Variants in GABRB1 observed in about 807,000 individuals in gnomAD.
GABRB1 encodes the protein gamma-aminobutyric acid type A receptor subunit beta1.
Under a neutral mutation model 51.6 loss-of-function variants are expected in GABRB1, and 17 were observed. That is an observed-to-expected ratio of 0.33 (90% CI 0.23 to 0.49). The LOEUF (loss-of-function observed/expected upper bound fraction) is 0.49, where lower values mean the gene tolerates loss of function less well. Among genes scored for constraint, GABRB1 ranks in the 20% least tolerant of loss-of-function variants. The pLI is 0.99. For synonymous variants in GABRB1, 247 were observed against 218.9 expected (o/e 1.13, Z -1.14); for missense variants, 410 against 600.6 (o/e 0.68, Z 3.32).
intron 5 of GABRB1, among the ~76,000 whole-genome samples, chr4:47,383,380 C>G (rs1489904977): frequency 6.6e-6 from 1 of 152,074 alleles, no homozygotes; most frequent in African/African-American, 2.4e-5. Flanking sequence ...TTTGCATCCA[C>G]AGATGAGAAA....
At chr4:47,279,102 G>A (rs1479630683) in intron 4 of GABRB1, among the ~76,000 whole-genome samples, 1 of 151,782 alleles carries the variant, frequency 6.6e-6, no homozygotes, top group African/African-American at 2.4e-5. Flanking sequence ...ATGGATGGAT[G>A]GATGGATGGA....
rs566071678 is a variant in GABRB1, at chr4:47,011,111, G to A, written c.-20+17185G>A. On this transcript the variant is annotated intron_variant, in intron 1 of 3. Coordinates refer to the GABRB1 transcript ENST00000513567. ...GCATTAGACTAGTTGCAGTTTCAAT[G>A]GTAGATGAAATTCAAAGGTCAAAGT... Among the ~76,000 whole-genome samples the A allele has an allele frequency of 5.9e-5, 9 of 152,250 alleles. No individual in the cohort carries two copies. In the South Asian group the frequency reaches 1.9e-3, roughly 32 times the overall value.
intron 5 of GABRB1, among the ~76,000 whole-genome samples, chr4:47,358,332 C>CTA (rs1366764727): frequency 2.0e-5 from 3 of 149,264 alleles, no homozygotes; most frequent in Non-Finnish European, 4.5e-5. Flanking sequence ...TATATACATG[C>CTA]TATATATATG....
At chr4:47,284,424 C>T (rs1008865109) in intron 4 of GABRB1, among the ~76,000 whole-genome samples, 1 of 152,136 alleles carries the variant, frequency 6.6e-6, no homozygotes, top group African/African-American at 2.4e-5. Flanking sequence ...GTGATGTTTT[C>T]GTCTGCACAC....
intron 1 of GABRB1, among the ~76,000 whole-genome samples, chr4:47,001,412 A>G (rs146975148): frequency 0.013 from 1,990 of 152,108 alleles, 54 homozygotes; most frequent in African/African-American, 0.04. Flanking sequence ...AAAGTGCTGG[A>G]ATTACAGGTG....
chr4:46,995,630 C>T (rs554105569), intron 1 of GABRB1, among the ~76,000 whole-genome samples: 2 of 152,312 alleles, frequency 1.3e-5, no homozygotes, highest in South Asian at 4.1e-4. Flanking sequence ...TCCCAAAGTG[C>T]TGGTATGACA....
intron 3 of GABRB1, among the ~76,000 whole-genome samples, chr4:47,150,547 C>A (rs1469071561): frequency 6.6e-6 from 1 of 151,514 alleles, no homozygotes; most frequent in Non-Finnish European, 1.5e-5. Flanking sequence ...TATTTCTACT[C>A]ATTTAATTGG....
intron 3 of GABRB1, among the ~76,000 whole-genome samples, chr4:47,054,003 C>T (rs977640406): frequency 7.9e-5 from 12 of 151,870 alleles, no homozygotes; most frequent in Admixed American, 7.9e-4. Flanking sequence ...TTTTCCTATC[C>T]TTTAATAATT....
At chr4:47,407,748 G>A (rs1414105005) in intron 8 of GABRB1, among the ~76,000 whole-genome samples, 2 of 152,142 alleles carry the variant, frequency 1.3e-5, no homozygotes, top group Non-Finnish European at 2.9e-5. Flanking sequence ...GTTCTAACAT[G>A]AGAAGATAAG....
At chr4:47,031,846 C>G in intron 1 of GABRB1, 68 bp from the exon 2 acceptor site, 1 of 1,520,254 alleles carries the variant, frequency 6.6e-7, no homozygotes, top group South Asian at 1.1e-5. Context: ...GTAGGTGTGC[C>G]TGTATCTTTT....
chr4:47,150,974 G>T (rs2109716788), intron 3 of GABRB1, among the ~76,000 whole-genome samples: 1 of 152,002 alleles, frequency 6.6e-6, no homozygotes, highest in African/African-American at 2.4e-5. Context: ...TGGCAAGAGA[G>T]ATAATGTGGT....
chr4:47,337,219 G>T (rs775639065), intron 5 of GABRB1, among the ~76,000 whole-genome samples: 1 of 152,068 alleles, frequency 6.6e-6, no homozygotes, highest in Non-Finnish European at 1.5e-5. Context: ...CTCCAGCCTA[G>T]GTGGCAGAAC....
At chr4:47,089,371 T>C (rs955828407) in intron 3 of GABRB1, among the ~76,000 whole-genome samples, 3 of 152,234 alleles carry the variant, frequency 2.0e-5, no homozygotes, top group African/African-American at 7.2e-5. Context: ...CAATGTATTC[T>C]AGTCCAGCTC....
intron 3 of GABRB1, among the ~76,000 whole-genome samples, chr4:47,114,214 T>A (rs763680584): frequency 1.5e-4 from 23 of 152,222 alleles, no homozygotes; most frequent in Non-Finnish European, 2.6e-4. Context: ...AAGAGAACTG[T>A]CTAAACCTCT....
intron 4 of GABRB1, among the ~76,000 whole-genome samples, chr4:47,195,452 TAGATTAGATGATAGATAGATAGATAGATA>T (rs1560580396): frequency 0.38 from 36,102 of 94,172 alleles, 5,168 homozygotes; most frequent in Non-Finnish European, 0.41. Flanking sequence ...AGATGATAGA[TAGATTAGATGATAGATAGATAGATAGATA>T]GATAGATAGA....
At chr4:47,255,623 G>A (rs996484493) in intron 4 of GABRB1, among the ~76,000 whole-genome samples, 11 of 152,204 alleles carry the variant, frequency 7.2e-5, no homozygotes, top group Non-Finnish European at 1.6e-4. Flanking sequence ...GGTGATGATC[G>A]TGACCTAAGA....
At chr4:47,199,966 A>G (rs754399584) in intron 4 of GABRB1, among the ~76,000 whole-genome samples, 41 of 152,124 alleles carry the variant, frequency 2.7e-4, no homozygotes, top group Admixed American at 1.0e-3. Context: ...GGCCACCTGG[A>G]TGTACATATG....
chr4:47,379,929 C>T, intron 5 of GABRB1, among the ~76,000 whole-genome samples: 1 of 152,128 alleles, frequency 6.6e-6, no homozygotes, highest in East Asian at 1.9e-4. Flanking sequence ...ATAATAATTT[C>T]TTCCCTAATG....
chr4:47,061,502 T>C (rs1196058910), intron 3 of GABRB1, among the ~76,000 whole-genome samples: 1 of 152,220 alleles, frequency 6.6e-6, no homozygotes, highest in East Asian at 1.9e-4. Context: ...GATTCTGAAG[T>C]ATTTTGGCTT....
Sources: allele counts gnomAD v4.1 joint callset (sites outside exome capture counted in the v4.1 genomes callset), GRCh38; gene constraint gnomAD v4.1.1; transcripts MANE v1.5; gene names NCBI Gene and HGNC (gene_info 2026-07-23, HGNC 2026-07-21).